ACER3: variants seen among roughly 807,000 people sequenced by gnomAD.
ACER3 encodes the protein alkaline ceramidase 3, also known as alkCDase 3.
A neutral mutation model predicts 48.9 loss-of-function variants in ACER3; 16 were observed. The observed-to-expected ratio is 0.33, with a 90% CI of 0.22 to 0.50. ACER3 has a LOEUF of 0.50. ACER3 is among the 20% of genes least tolerant of loss of function. ACER3 has a pLI of 0.98. For missense variants in ACER3, 227 were observed against 326.0 expected (o/e 0.70, Z 2.34); for synonymous variants, 109 against 107.8 (o/e 1.01, Z -0.07).
At chr11:76,943,383 T>C (rs1466698008) in intron 2 of ACER3, among the ~76,000 whole-genome samples, 1 of 152,062 alleles carries the variant, frequency 6.6e-6, no homozygotes, top group Non-Finnish European at 1.5e-5. Flanking sequence ...TTTCAAAAGA[T>C]TTTAAAATTT....
chr11:77,025,817 C>T lies in ACER3; in HGVS notation c.*5490C>T, dbSNP rs1949543556. On this transcript the variant is annotated 3_prime_UTR_variant, in exon 11 of 11. Transcript: ENST00000532485. ...CTGGCTTGGGAGTTTGTCTCCCCTGCTCTAGACTGTCAGCAAGTGGTACAG... is the reference window on the plus strand; with the variant it reads ...CTGGCTTGGGAGTTTGTCTCCCCTGTTCTAGACTGTCAGCAAGTGGTACAG... The T allele has an allele frequency of 6.6e-6, 1 of 152,252 alleles. No homozygotes were observed. The highest frequency in any genetic ancestry group is 2.1e-4 in the South Asian group (1 of 4,832). The allele number at this position is 152,252 out of a possible 1,614,324, so 9.4% of individuals were successfully genotyped here.
intron 1 of ACER3, among the ~76,000 whole-genome samples, chr11:76,891,938 A>T (rs1416959984): frequency 4.6e-5 from 7 of 152,198 alleles, no homozygotes; most frequent in Non-Finnish European, 1.0e-4. Flanking sequence ...ATTAGTATAG[A>T]CTAACACTCA....
intron 1 of ACER3, among the ~76,000 whole-genome samples, chr11:76,920,562 C>G (rs1217421748): frequency 6.6e-6 from 1 of 151,652 alleles, no homozygotes. Flanking sequence ...TAGCCTGTCT[C>G]TCCTTACTCT....
chr11:76,938,555 G>C (rs1463321051), intron 2 of ACER3, among the ~76,000 whole-genome samples: 1 of 152,164 alleles, frequency 6.6e-6, no homozygotes, highest in Admixed American at 6.6e-5. Flanking sequence ...CTGGCCCCAA[G>C]AAATCTTCAT....
At chr11:76,864,919 ATTTT>A (rs34901215) in intron 1 of ACER3, among the ~76,000 whole-genome samples, 3 of 115,936 alleles carry the variant, frequency 2.6e-5, no homozygotes, top group African/African-American at 6.2e-5. Context: ...TTTTAAATTA[ATTTT>A]TTTTTTTTTT....
At chr11:77,012,287 G>A (rs972284098) in intron 7 of ACER3, among the ~76,000 whole-genome samples, 8 of 151,876 alleles carry the variant, frequency 5.3e-5, no homozygotes, top group East Asian at 1.9e-4. Context: ...GCATGGTGGC[G>A]CACGCCTGTA....
At chr11:76,959,213 G>C (rs1452023713) in intron 3 of ACER3, 182 bp downstream of exon 3, 13 of 1,482,464 alleles carry the variant, frequency 8.8e-6, no homozygotes, top group Non-Finnish European at 1.1e-5. Flanking sequence ...GAGTCCATAA[G>C]GAAAACAAGT....
Position 77,020,387 on chromosome 11 carries a change from G to A in ACER3, c.*60G>A. ...ACCATAGACCTGGCAGAATAAATAAGGAAATCCTTAAAGATCTACAAGTTC... is the reference window on the plus strand; with the variant it reads ...ACCATAGACCTGGCAGAATAAATAAAGAAATCCTTAAAGATCTACAAGTTC... On this transcript the variant is annotated 3_prime_UTR_variant, in exon 11 of 11. Coordinates refer to ENST00000532485, the MANE Select transcript of ACER3 (RefSeq NM_018367.7). The A allele has an allele frequency of 6.4e-7, 1 of 1,562,906 alleles. No homozygotes were observed. The highest frequency in any genetic ancestry group is 8.8e-7 in the Non-Finnish European group (1 of 1,141,816).
chr11:76,928,322 T>G (rs1328195230), intron 2 of ACER3, among the ~76,000 whole-genome samples: 2 of 152,236 alleles, frequency 1.3e-5, no homozygotes, highest in African/African-American at 4.8e-5. Context: ...GTTTTTTTCT[T>G]GTAAATTTGT....
chr11:76,967,626 G>A lies in ACER3; in HGVS notation c.267+8595G>A, dbSNP rs1407608162. Reference sequence around the variant, plus strand: ...GTGGGCTTCATCCCTGGGATGCAAGGCTGGTTCAACATAGGCAAATCAATA... The same window carrying A: ...GTGGGCTTCATCCCTGGGATGCAAGACTGGTTCAACATAGGCAAATCAATA... On this transcript the variant is annotated intron_variant, in intron 3 of 10. Transcript: ENST00000532485. Among the ~76,000 whole-genome samples, 6 of 151,500 alleles carry A rather than the reference G, an allele frequency of 4.0e-5. No individual in the cohort carries two copies. The East Asian group carries it at 1.2e-3, about 30-fold the overall frequency.
chr11:76,939,405 A>G (rs1367936167), intron 2 of ACER3, among the ~76,000 whole-genome samples: 1 of 152,226 alleles, frequency 6.6e-6, no homozygotes. Context: ...AGCCTGGGCA[A>G]CATAGTGAGA....
intron 2 of ACER3, among the ~76,000 whole-genome samples, chr11:76,933,972 G>T (rs1349844369): frequency 1.3e-5 from 2 of 150,968 alleles, no homozygotes; most frequent in African/African-American, 4.9e-5. Context: ...CCTAGACGGG[G>T]TCGCGGCTGT....
rs1284501362 is a variant in ACER3, at chr11:77,024,441, CCAGATATG to C, written c.*4115_*4122del. On this transcript the variant is annotated 3_prime_UTR_variant, in exon 11 of 11. Transcript: ENST00000532485. ...TATCAGCCCAGTCAGCTTCATATAC[CCAGATATG>C]GACACTTCTACACGTGAAATTCAAA... The C allele has an allele frequency of 4.6e-5, 7 of 152,092 alleles. No homozygotes were observed. Among genetic ancestry groups the C allele is most frequent in the African/African-American group, 1.7e-4 (7 of 41,434 alleles). The allele number at this position is 152,092 out of a possible 1,614,324, so 9.4% of individuals were successfully genotyped here.
intron 1 of ACER3, among the ~76,000 whole-genome samples, chr11:76,879,951 A>C (rs1945480734): frequency 1.3e-5 from 2 of 152,080 alleles, no homozygotes; most frequent in African/African-American, 4.8e-5. Context: ...ATTTCCTCTA[A>C]ATTGTAGAAT....
chr11:76,941,707 A>G (rs1947347003), intron 2 of ACER3, among the ~76,000 whole-genome samples: 1 of 152,128 alleles, frequency 6.6e-6, no homozygotes, highest in Admixed American at 6.5e-5. Context: ...TGATATTTTG[A>G]TAGGGATTTC....
chr11:76,872,601 G>A (rs1359338484), intron 1 of ACER3, among the ~76,000 whole-genome samples: 1 of 152,204 alleles, frequency 6.6e-6, no homozygotes, highest in Non-Finnish European at 1.5e-5. Flanking sequence ...ATGTTTAGTA[G>A]TTTCTCAGTC....
intron 1 of ACER3, among the ~76,000 whole-genome samples, chr11:76,893,047 A>T (rs643047): frequency 0.025 from 3,770 of 152,312 alleles, 127 homozygotes; most frequent in Admixed American, 0.11. Flanking sequence ...TCAAGAATGC[A>T]ACCTCGTTTA....
intron 1 of ACER3, among the ~76,000 whole-genome samples, chr11:76,903,044 G>A (rs1158341915): frequency 6.6e-6 from 1 of 151,922 alleles, no homozygotes; most frequent in African/African-American, 2.4e-5. Context: ...TGATAAAATA[G>A]ACTAGTATTT....
At chr11:76,916,489 A>C (rs1252483150) in intron 1 of ACER3, among the ~76,000 whole-genome samples, 1 of 151,724 alleles carries the variant, frequency 6.6e-6, no homozygotes, top group African/African-American at 2.4e-5. Flanking sequence ...AGATCTGTCT[A>C]TGCAAGGCAA....
Sources: allele counts gnomAD v4.1 joint callset (sites outside exome capture counted in the v4.1 genomes callset), GRCh38; gene constraint gnomAD v4.1.1; transcripts MANE v1.5; gene names NCBI Gene and HGNC (gene_info 2026-07-23, HGNC 2026-07-21).